The following PPFIA1 variants were observed in gnomAD, a reference collection of about 807,000 sequenced individuals.
PPFIA1 encodes liprin-alpha-1.
Under a neutral mutation model 149.9 loss-of-function variants are expected in PPFIA1, and 25 were observed. The ratio of observed to expected loss-of-function variants is 0.17; its 90% CI spans 0.12 to 0.23. PPFIA1 has a LOEUF of 0.23. PPFIA1 is among the 10% of genes least tolerant of loss of function. The pLI is 1.00. For synonymous variants in PPFIA1, 549 were observed against 552.8 expected, an observed-to-expected ratio of 0.99 and a Z score of 0.10; for missense variants, 1,362 against 1,506.5, an observed-to-expected ratio of 0.90 and a Z score of 1.59.
rs764959408 is a variant in PPFIA1, at chr11:70,374,970, C to T, written c.3192C>T (p.Gly1064=). The part of the protein sequence containing the change: ...DRVIRWILSI[G]LKEYANNLIE... ...TGATTCGCTGGATCCTGTCAATTGGCCTTAAAGAATATGCAAACAATCTTA... is the reference window on the plus strand; with the variant it reads ...TGATTCGCTGGATCCTGTCAATTGGTCTTAAAGAATATGCAAACAATCTTA... The change falls in exon 24 of 28, where the codon GGC becomes GGT. Residue 1064 remains glycine, a synonymous_variant. Coordinates refer to ENST00000253925, the MANE Select transcript of PPFIA1 (RefSeq NM_003626.5). 4 of 1,613,184 alleles carry T rather than the reference C, an allele frequency of 2.5e-6. No individual in the cohort carries two copies. The highest frequency in any genetic ancestry group is 3.4e-6 in the Non-Finnish European group (4 of 1,179,688).
chr11:70,301,803 A>G (rs1333471936), intron 2 of PPFIA1, among the ~76,000 whole-genome samples: 2 of 152,216 alleles, frequency 1.3e-5, no homozygotes. Context: ...GTTAAAGTAG[A>G]GGGTGAAACC....
At chr11:70,326,412 A>G (rs2054290729) in intron 6 of PPFIA1, 49 bp downstream of exon 6, 1 of 1,492,322 alleles carries the variant, frequency 6.7e-7, no homozygotes, top group Non-Finnish European at 9.3e-7. Flanking sequence ...ATTTGTTCAC[A>G]GTATGTGTCG....
intron 2 of PPFIA1, among the ~76,000 whole-genome samples, chr11:70,296,636 A>G (rs1394843262): frequency 1.3e-5 from 2 of 151,486 alleles, no homozygotes; most frequent in African/African-American, 2.4e-5. Context: ...GCAGCAGTAC[A>G]GTCCAGCTTC....
intron 17 of PPFIA1, among the ~76,000 whole-genome samples, chr11:70,355,019 C>G (rs1486570634): frequency 6.6e-6 from 1 of 152,066 alleles, no homozygotes; most frequent in Admixed American, 6.5e-5. Flanking sequence ...TCACCACAAC[C>G]TTCACCTCCC....
chr11:70,271,059 G>C (rs1019117937), intron 1 of PPFIA1, 145 bp downstream of exon 1: 14 of 151,970 alleles, frequency 9.2e-5, no homozygotes, highest in African/African-American at 3.4e-4. Context: ...GCGGCGCCGG[G>C]TCGCGCTGGG....
At chr11:70,342,936 CTTTTTTTTTTTTTT>C (rs71463672) in intron 14 of PPFIA1, among the ~76,000 whole-genome samples, 21 of 78,178 alleles carry the variant, frequency 2.7e-4, no homozygotes, top group Admixed American at 8.6e-4. Flanking sequence ...AATGTACCAC[CTTTTTTTTTTTTTT>C]TTTTTTTTTT....
chr11:70,353,793 T>C (rs2137321382), intron 16 of PPFIA1, among the ~76,000 whole-genome samples: 1 of 152,336 alleles, frequency 6.6e-6, no homozygotes, highest in Middle Eastern at 3.4e-3. Flanking sequence ...TGTTTATTTT[T>C]ACCCCGTTCA....
intron 2 of PPFIA1, among the ~76,000 whole-genome samples, chr11:70,312,693 G>C (rs2053365537): frequency 6.6e-6 from 1 of 152,160 alleles, no homozygotes; most frequent in Non-Finnish European, 1.5e-5. Flanking sequence ...CAGGTGTGCA[G>C]TGCATTATTT....
intron 15 of PPFIA1, among the ~76,000 whole-genome samples, chr11:70,347,227 C>T (rs1362291824): frequency 6.6e-6 from 1 of 152,088 alleles, no homozygotes; most frequent in African/African-American, 2.4e-5. Context: ...AGATAAGGGT[C>T]ATAAAATTTT....
chr11:70,365,699 C>G (rs1315724287), intron 21 of PPFIA1: 1 of 354,282 alleles, frequency 2.8e-6, no homozygotes, highest in Non-Finnish European at 5.5e-6. Flanking sequence ...AGTTGAGCCT[C>G]CATGTGACTG....
intron 8 of PPFIA1, among the ~76,000 whole-genome samples, chr11:70,331,259 T>G (rs1204675352): frequency 1.3e-5 from 2 of 149,476 alleles, no homozygotes; most frequent in Non-Finnish European, 3.0e-5. Context: ...GGCAGTGAAG[T>G]CTGTAGTAAG....
chr11:70,275,217 C>G (rs1194241623), intron 2 of PPFIA1, among the ~76,000 whole-genome samples: 1 of 152,222 alleles, frequency 6.6e-6, no homozygotes, highest in Non-Finnish European at 1.5e-5. Context: ...GGTAAAGCAT[C>G]TCTACCTGTG....
At chr11:70,345,524 A>G (rs537775009) in intron 15 of PPFIA1, among the ~76,000 whole-genome samples, 1 of 152,288 alleles carries the variant, frequency 6.6e-6, no homozygotes, top group South Asian at 2.1e-4. Flanking sequence ...GATGACTCCA[A>G]GCCTTTGGGC....
chr11:70,272,152 G>T (rs1190323527), intron 1 of PPFIA1, 21 bp from the exon 2 acceptor site: 1 of 1,611,044 alleles, frequency 6.2e-7, no homozygotes. Flanking sequence ...AATTACTGTA[G>T]CCTGGGTCTT....
chr11:70,288,878 G>C (rs767383934), intron 2 of PPFIA1, among the ~76,000 whole-genome samples: 1 of 151,782 alleles, frequency 6.6e-6, no homozygotes, highest in African/African-American at 2.4e-5. Flanking sequence ...TTCCTCTCAG[G>C]AGCCCTGGTT....
At position 70,383,193 on chromosome 11, in the gene PPFIA1, C is replaced by G; in HGVS notation, c.*203C>G. 1 of 329,238 alleles carries G rather than the reference C, an allele frequency of 3.0e-6. No individual in the cohort carries two copies. The highest frequency in any genetic ancestry group is 5.6e-6 in the Non-Finnish European group (1 of 177,084). 20.4% of individuals were successfully genotyped at this position (329,238 alleles called of 1,614,324 possible). A position where few individuals can be genotyped will look rare whatever the true frequency, so the allele number is the denominator to read the frequency against. ...GAAAATATTTTAGAATTTAATGTTT[C>G]TTATATTTATGTAAACTTATGACTC... On this transcript the variant is annotated 3_prime_UTR_variant, in exon 28 of 28. Transcript: ENST00000253925.
intron 27 of PPFIA1, 89 bp from the exon 28 acceptor site, chr11:70,382,914 G>A (rs1013380502): frequency 1.0e-4 from 35 of 351,448 alleles, no homozygotes; most frequent in Non-Finnish European, 1.8e-4. Flanking sequence ...AGTGTCGGGG[G>A]GACGTTTGGG....
At chr11:70,338,234 T>C (rs2055099816) in intron 12 of PPFIA1, 140 bp from the exon 13 acceptor site, 1 of 655,804 alleles carries the variant, frequency 1.5e-6, no homozygotes, top group Non-Finnish European at 2.6e-6. Flanking sequence ...GAGAAAATTT[T>C]CCCAGAATTA....
chr11:70,279,071 G>A, intron 2 of PPFIA1: 3 of 504,914 alleles, frequency 5.9e-6, no homozygotes, highest in Non-Finnish European at 1.1e-5. Context: ...TTACTGTGAA[G>A]TCTTTTGACG....
Sources: gnomAD v4.1 joint callset for allele counts (sites outside exome capture counted in the v4.1 genomes callset) on GRCh38, gnomAD v4.1.1 for gene constraint, MANE v1.5 for transcripts, NCBI Gene and HGNC (gene_info 2026-07-23, HGNC 2026-07-21) for gene names.